MYO3B: variants seen among roughly 807,000 people sequenced by gnomAD.
MYO3B encodes myosin-IIIb.
A neutral mutation model predicts 174.6 loss-of-function variants in MYO3B; 156 were observed. The observed-to-expected ratio is 0.89, with a 90% CI of 0.78 to 1.02. The LOEUF (loss-of-function observed/expected upper bound fraction) is 1.02. MYO3B is among the 50% of genes least tolerant of loss of function. MYO3B has a pLI of 0.00. For synonymous variants in MYO3B, 563 were observed against 569.1 expected (o/e 0.99, Z 0.15); for missense variants, 1,632 against 1,639.4 (o/e 1.00, Z 0.08).
At chr2:170,430,458 G>A (rs59584720) in intron 22 of MYO3B, among the ~76,000 whole-genome samples, 7 of 147,350 alleles carry the variant, frequency 4.8e-5, no homozygotes, top group Admixed American at 1.4e-4. Flanking sequence ...TGCAATCTCC[G>A]CCTCCTGGGT....
intron 32 of MYO3B, among the ~76,000 whole-genome samples, chr2:170,642,157 T>A (rs911963797): frequency 3.2e-4 from 48 of 152,042 alleles, no homozygotes; most frequent in African/African-American, 1.1e-3. Flanking sequence ...GGAAGAGATC[T>A]TAATAAGAAT....
chr2:170,375,035 A>G (rs1331511303), intron 9 of MYO3B, among the ~76,000 whole-genome samples: 8 of 152,244 alleles, frequency 5.3e-5, no homozygotes, highest in Non-Finnish European at 1.2e-4. Flanking sequence ...AAAGGGCTAA[A>G]GAAGCCCTAA....
intron 7 of MYO3B, among the ~76,000 whole-genome samples, chr2:170,308,403 G>C (rs1559376166): frequency 6.6e-6 from 1 of 152,266 alleles, no homozygotes; most frequent in East Asian, 1.9e-4. Context: ...TTTCTCTACA[G>C]AAAGGCACCT....
At position 170,602,181 on chromosome 2, in the gene MYO3B, A is replaced by G. The variant is rs1024840815; in HGVS notation, c.3734-49447A>G. 2.3e-5 allele frequency: 29 copies of G among 1,240,938 alleles called. No homozygotes were observed. In the African/African-American group the frequency reaches 3.1e-4, roughly 13 times the overall value. 76.9% of individuals were successfully genotyped at this position (1,240,938 alleles called of 1,614,324 possible). On this transcript the variant is annotated intron_variant, in intron 32 of 34. Coordinates refer to ENST00000408978, the MANE Select transcript of MYO3B (RefSeq NM_138995.5). ...CCCGACAAGTTTGCACAAAAAATGC[A>G]TATGATGACATTTTGCCTCTCGGCT...
intron 28 of MYO3B, among the ~76,000 whole-genome samples, chr2:170,513,190 C>T (rs1688088969): frequency 6.6e-6 from 1 of 152,184 alleles, no homozygotes. Context: ...ATGCCACTCC[C>T]CAACCCCAAA....
chr2:170,404,448 G>A (rs1190258841), intron 20 of MYO3B, 48 bp downstream of exon 20: 1 of 1,535,426 alleles, frequency 6.5e-7, no homozygotes, highest in South Asian at 1.3e-5. Context: ...ACAAAACTTG[G>A]CTTGTGTCAT....
intron 32 of MYO3B, among the ~76,000 whole-genome samples, chr2:170,552,895 C>G (rs1388293133): frequency 6.6e-6 from 1 of 152,156 alleles, no homozygotes. Context: ...GCATCCCAGC[C>G]GATCTAGCTT....
chr2:170,250,023 G>C (rs1398642235), intron 7 of MYO3B, among the ~76,000 whole-genome samples: 1 of 152,140 alleles, frequency 6.6e-6, no homozygotes, highest in Non-Finnish European at 1.5e-5. Context: ...AGGCTAATCA[G>C]ATCTGCCAAG....
At chr2:170,390,927 C>T (rs2094407638) in intron 14 of MYO3B, among the ~76,000 whole-genome samples, 1 of 152,150 alleles carries the variant, frequency 6.6e-6, no homozygotes, top group Non-Finnish European at 1.5e-5. Context: ...TAGAAACTGA[C>T]AGCAGTCCAC....
rs182756725 is a variant in MYO3B at position 170,393,426 on chromosome 2, A to G, written c.1791+931A>G. Among the ~76,000 whole-genome samples the G allele has an allele frequency of 4.5e-4, 68 of 152,190 alleles. 1 individual carries two copies. Among genetic ancestry groups the G allele is most frequent in the Non-Finnish European group, 4.3e-4 (29 of 68,000 alleles). On this transcript the variant is annotated intron_variant, in intron 16 of 34. Coordinates refer to ENST00000408978, the MANE Select transcript of MYO3B (RefSeq NM_138995.5). ...ATCATCCTAGATACAAGCTGTCTGT[A>G]TTAAATATATGCTAGGGGTGACAGA...
rs1320616332 is a variant in MYO3B, at chr2:170,386,473, T to A, written c.1374+201T>A. ...TCCTTCACGTAGGGAGGAGAATAAT[T>A]CCAGCACAAATTTACTAGATTATCG... On this transcript the variant is annotated intron_variant, in intron 13 of 34. Transcript: ENST00000408978. Among the ~76,000 whole-genome samples, 4 of 152,232 alleles carry A rather than the reference T, an allele frequency of 2.6e-5. No homozygotes were observed. In the East Asian group the frequency reaches 7.7e-4, roughly 29 times the overall value.
At position 170,501,692 on chromosome 2, in the gene MYO3B, G is replaced by A. The variant is rs182868220; in HGVS notation, c.3290-93G>A. On this transcript the variant is annotated intron_variant, in intron 27 of 34. Transcript: ENST00000408978. ...GAGAAAGCAGGAGGGAGGATGAGAC[G>A]GGCAATAGGCTGGAGGGGAAAACAG... The A allele has an allele frequency of 1.8e-4, 143 of 775,246 alleles. 1 individual carries two copies. Among genetic ancestry groups the A allele is most frequent in the Middle Eastern group, 9.4e-4 (4 of 4,264 alleles). The allele number at this position is 775,246 out of a possible 1,614,324, so 48.0% of individuals were successfully genotyped here.
intron 32 of MYO3B, among the ~76,000 whole-genome samples, chr2:170,620,427 C>A (rs1325910259): frequency 2.6e-5 from 4 of 152,230 alleles, no homozygotes; most frequent in African/African-American, 9.6e-5. Context: ...CATCAAATCT[C>A]TCTGCCTCTT....
chr2:170,331,042 G>C (rs1238888776), intron 7 of MYO3B, among the ~76,000 whole-genome samples: 1 of 152,184 alleles, frequency 6.6e-6, no homozygotes, highest in African/African-American at 2.4e-5. Context: ...GTAGGAGCCT[G>C]CCAGGTGGAC....
intron 9 of MYO3B, among the ~76,000 whole-genome samples, chr2:170,381,535 C>T (rs2094335382): frequency 6.6e-6 from 1 of 152,110 alleles, no homozygotes; most frequent in African/African-American, 2.4e-5. Flanking sequence ...AAAACATAAA[C>T]AGTGATCAAT....
At chr2:170,636,394 G>T (rs953246231) in intron 32 of MYO3B, among the ~76,000 whole-genome samples, 1 of 145,888 alleles carries the variant, frequency 6.9e-6, no homozygotes, top group Non-Finnish European at 1.5e-5. Flanking sequence ...AGATCTCCAT[G>T]AATTTCTTTT....
chr2:170,268,372 G>A (rs1275463245), intron 7 of MYO3B, among the ~76,000 whole-genome samples: 1 of 152,156 alleles, frequency 6.6e-6, no homozygotes, highest in Non-Finnish European at 1.5e-5. Context: ...CAGAATAAAA[G>A]ATGAACTAAA....
intron 32 of MYO3B, among the ~76,000 whole-genome samples, chr2:170,578,441 T>C (rs1395749531): frequency 6.6e-6 from 1 of 152,270 alleles, no homozygotes; most frequent in Non-Finnish European, 1.5e-5. Context: ...TGAAGTACTT[T>C]GTTTTAAACA....
chr2:170,567,380 T>G (rs965355785), intron 32 of MYO3B, among the ~76,000 whole-genome samples: 1 of 152,230 alleles, frequency 6.6e-6, no homozygotes, highest in East Asian at 1.9e-4. Context: ...CCGTAACCAC[T>G]GATTTTAGTT....
Sources: gnomAD v4.1 joint callset for allele counts (sites outside exome capture counted in the v4.1 genomes callset) on GRCh38, gnomAD v4.1.1 for gene constraint, MANE v1.5 for transcripts, NCBI Gene and HGNC (gene_info 2026-07-23, HGNC 2026-07-21) for gene names.